Variants in POLR3B observed in about 807,000 individuals in gnomAD.
The protein encoded by POLR3B is RNA polymerase III subunit B.
A neutral mutation model predicts 147.4 loss-of-function variants in POLR3B; 96 were observed. The observed-to-expected ratio is 0.65, with a 90% confidence interval of 0.55 to 0.77. The LOEUF (loss-of-function observed/expected upper bound fraction) is 0.77, where lower values mean the gene tolerates loss of function less well. Ranked by LOEUF, POLR3B falls within the 30% of genes least tolerant of loss-of-function variation. POLR3B has a pLI of 0.00. For missense variants in POLR3B, 1,036 were observed against 1,413.5 expected (o/e 0.73, Z 4.28); for synonymous variants, 461 against 485.9 (o/e 0.95, Z 0.67).
chr12:106,380,306 G>A (rs556824383), intron 9 of POLR3B, among the ~76,000 whole-genome samples, 167 bp downstream of exon 9: 45 of 151,962 alleles, frequency 3.0e-4, no homozygotes, highest in Non-Finnish European at 4.4e-5. Flanking sequence ...GGGCGTGGTG[G>A]GTCATGCCTG....
At chr12:106,399,054 G>A (rs368116953) in intron 10 of POLR3B, among the ~76,000 whole-genome samples, 8 of 152,170 alleles carry the variant, frequency 5.3e-5, no homozygotes, top group African/African-American at 1.9e-4. Flanking sequence ...GAGGAAGTTC[G>A]AACCAATGGC....
intron 9 of POLR3B, among the ~76,000 whole-genome samples, chr12:106,389,235 T>TACCA (rs2036882339): frequency 1.3e-5 from 2 of 152,238 alleles, no homozygotes; most frequent in Middle Eastern, 3.2e-3. Context: ...TTGCAGCTGG[T>TACCA]GTGCTTTGAT....
intron 23 of POLR3B, among the ~76,000 whole-genome samples, chr12:106,477,664 G>T (rs992969487): frequency 6.4e-4 from 97 of 152,216 alleles, no homozygotes; most frequent in Middle Eastern, 3.4e-3. Flanking sequence ...GACTCGGAAA[G>T]GGAACTCCCT....
intron 27 of POLR3B, among the ~76,000 whole-genome samples, chr12:106,505,934 G>A (rs1283962743): frequency 6.6e-6 from 1 of 152,192 alleles, no homozygotes; most frequent in Admixed American, 6.5e-5. Context: ...CCAGATAAAT[G>A]TCAAAACTTT....
At chr12:106,398,741 A>G (rs575762263) in intron 10 of POLR3B, among the ~76,000 whole-genome samples, 1 of 152,356 alleles carries the variant, frequency 6.6e-6, no homozygotes, top group Non-Finnish European at 1.5e-5. Context: ...GTGGACCTCT[A>G]GCAAACTCCA....
intron 17 of POLR3B, 123 bp downstream of exon 17, chr12:106,437,254 T>G: frequency 1.3e-6 from 1 of 771,390 alleles, no homozygotes; most frequent in Non-Finnish European, 2.2e-6. Flanking sequence ...GTTAAAAACC[T>G]ATTTTGCTCC....
rs562918811 is a variant in POLR3B, at chr12:106,490,713, G to A, written c.2714-5342G>A. ...AGCTGGAAAAGGGGAGGGGAAGAACGGAATAACCACCTGTGTTAGCCTTAA... is the reference window on the plus strand; with the variant it reads ...AGCTGGAAAAGGGGAGGGGAAGAACAGAATAACCACCTGTGTTAGCCTTAA... On this transcript the variant is annotated intron_variant, in intron 23 of 27. Coordinates refer to ENST00000228347, the MANE Select transcript of POLR3B (RefSeq NM_018082.6). Among the ~76,000 whole-genome samples the A allele has an allele frequency of 2.6e-5, 4 of 152,228 alleles. No individual in the cohort carries two copies. The East Asian group carries it at 5.8e-4, about 22-fold the overall frequency.
At chr12:106,489,110 C>T (rs1457790684) in intron 23 of POLR3B, among the ~76,000 whole-genome samples, 2 of 152,102 alleles carry the variant, frequency 1.3e-5, no homozygotes, top group African/African-American at 2.4e-5. Flanking sequence ...ATCACAGCAT[C>T]GGGCAGCAAT....
chr12:106,467,294 A>G (rs1039752593), intron 23 of POLR3B, among the ~76,000 whole-genome samples: 1 of 152,154 alleles, frequency 6.6e-6, no homozygotes, highest in Non-Finnish European at 1.5e-5. Flanking sequence ...ATTTTTGCAT[A>G]TTGATTTTGT....
intron 10 of POLR3B, among the ~76,000 whole-genome samples, chr12:106,401,527 C>G (rs994923584): frequency 6.6e-6 from 1 of 152,142 alleles, no homozygotes; most frequent in African/African-American, 2.4e-5. Flanking sequence ...AATTTTAGAC[C>G]AATATCCTTG....
intron 21 of POLR3B, among the ~76,000 whole-genome samples, chr12:106,458,318 C>T (rs910232381): frequency 6.6e-6 from 1 of 151,896 alleles, no homozygotes; most frequent in African/African-American, 2.4e-5. Context: ...GAGATGAGGT[C>T]TTACCATCTT....
intron 10 of POLR3B, among the ~76,000 whole-genome samples, chr12:106,403,789 A>G (rs1414359917): frequency 1.7e-5 from 2 of 117,728 alleles, no homozygotes; most frequent in East Asian, 2.9e-4. Flanking sequence ...GGTGGGGAAC[A>G]TCACACACCG....
intron 18 of POLR3B, among the ~76,000 whole-genome samples, chr12:106,442,059 A>T (rs866009486): frequency 1.3e-5 from 2 of 149,330 alleles, no homozygotes; most frequent in African/African-American, 5.1e-5. Flanking sequence ...CAGCCTGGGC[A>T]GCAAGAGCGA....
intron 9 of POLR3B, among the ~76,000 whole-genome samples, chr12:106,383,454 A>C (rs1411600963): frequency 6.9e-6 from 1 of 144,138 alleles, no homozygotes; most frequent in African/African-American, 2.6e-5. Flanking sequence ...GGTGACAGAC[A>C]TGCAACCCTT....
chr12:106,388,163 C>T (rs910738974), intron 9 of POLR3B, among the ~76,000 whole-genome samples: 2 of 152,132 alleles, frequency 1.3e-5, no homozygotes, highest in East Asian at 1.9e-4. Context: ...TACAAAGGTT[C>T]TCCTGCCCAT....
chr12:106,402,658 A>G (rs1275681051), intron 10 of POLR3B, among the ~76,000 whole-genome samples: 2 of 152,222 alleles, frequency 1.3e-5, no homozygotes, highest in Admixed American at 6.5e-5. Context: ...AATGCCACAT[A>G]TCTACAACTA....
intron 19 of POLR3B, among the ~76,000 whole-genome samples, chr12:106,452,698 T>C (rs1475248568): frequency 6.6e-6 from 1 of 152,194 alleles, no homozygotes; most frequent in Non-Finnish European, 1.5e-5. Flanking sequence ...CAGTAAGTGA[T>C]CTATTGCCAG....
intron 1 of POLR3B, 38 bp from the exon 2 acceptor site, chr12:106,363,832 G>T (rs1035543016): frequency 1.3e-6 from 2 of 1,536,750 alleles, no homozygotes; most frequent in Admixed American, 1.7e-5. Context: ...ACTGTTGCTG[G>T]TACAGAGTTC....
At chr12:106,472,402 G>A (rs915662548) in intron 23 of POLR3B, among the ~76,000 whole-genome samples, 1 of 149,832 alleles carries the variant, frequency 6.7e-6, no homozygotes, top group African/African-American at 2.4e-5. Flanking sequence ...TGGGTCAAAT[G>A]GTATTTCTAG....
Sources: gnomAD v4.1 joint callset for allele counts (sites outside exome capture counted in the v4.1 genomes callset) on GRCh38, gnomAD v4.1.1 for gene constraint, MANE v1.5 for transcripts, NCBI Gene and HGNC (gene_info 2026-07-23, HGNC 2026-07-21) for gene names.